TSNARE1: variants seen among roughly 807,000 people sequenced by gnomAD.
TSNARE1 encodes the protein t-SNARE domain containing 1.
A neutral mutation model predicts 62.0 loss-of-function variants in TSNARE1; 49 were observed. The ratio of observed to expected loss-of-function variants is 0.79; its 90% confidence interval spans 0.63 to 1.00. The LOEUF (loss-of-function observed/expected upper bound fraction) is 1.00, where lower values mean the gene tolerates loss of function less well. TSNARE1 is among the 50% of genes least tolerant of loss of function. TSNARE1 has a pLI of 0.00. For synonymous variants in TSNARE1, 328 were observed against 294.4 expected, an observed-to-expected ratio of 1.11 and a Z score of -1.17; for missense variants, 755 against 700.1, an observed-to-expected ratio of 1.08 and a Z score of -0.88.
At chr8:142,216,336 G>C (rs540903955) in intron 13 of TSNARE1, among the ~76,000 whole-genome samples, 6 of 152,180 alleles carry the variant, frequency 3.9e-5, no homozygotes, top group Non-Finnish European at 2.9e-5. Context: ...GCAGGGGCTG[G>C]GGGTGTGGGG....
intron 12 of TSNARE1, chr8:142,269,752 A>C: frequency 1.0e-6 from 1 of 985,424 alleles, no homozygotes; most frequent in Non-Finnish European, 1.2e-6. Context: ...GGGTGGAACC[A>C]TCAGAGTGGA....
chr8:142,345,438 G>A (rs910649524), intron 3 of TSNARE1, among the ~76,000 whole-genome samples: 2 of 152,224 alleles, frequency 1.3e-5, no homozygotes, highest in African/African-American at 4.8e-5. Context: ...AGTCGGGCTT[G>A]AGGGTGAGGG....
intron 7 of TSNARE1, among the ~76,000 whole-genome samples, chr8:142,317,826 C>T (rs62513768): frequency 0.12 from 18,871 of 152,154 alleles, 1,490 homozygotes; most frequent in East Asian, 0.21. Flanking sequence ...GGCATGGTGA[C>T]GGGCGCCTGT....
chr8:142,250,148 G>A (rs899165036), intron 12 of TSNARE1, among the ~76,000 whole-genome samples: 1 of 152,164 alleles, frequency 6.6e-6, no homozygotes, highest in Non-Finnish European at 1.5e-5. Flanking sequence ...ATGCAGGCAG[G>A]CCCTGAGCTA....
intron 12 of TSNARE1, among the ~76,000 whole-genome samples, chr8:142,248,963 G>A (rs997263074): frequency 4.6e-5 from 7 of 152,352 alleles, no homozygotes; most frequent in African/African-American, 1.7e-4. Context: ...TTCTAGAAGG[G>A]CCACGCCTTT....
intron 11 of TSNARE1, chr8:142,277,767 AG>A (rs1416709132): frequency 5.1e-6 from 5 of 985,324 alleles, no homozygotes; most frequent in Non-Finnish European, 6.0e-6. Flanking sequence ...CAGGGGTCAC[AG>A]AAGTCGAGGC....
At chr8:142,258,160 C>T (rs201103830) in intron 12 of TSNARE1, among the ~76,000 whole-genome samples, 42 of 152,320 alleles carry the variant, frequency 2.8e-4, no homozygotes, top group East Asian at 1.5e-3. Flanking sequence ...CATGTACACA[C>T]GCTGTATGCA....
intron 10 of TSNARE1, among the ~76,000 whole-genome samples, chr8:142,285,781 A>G (rs1822635482): frequency 6.6e-6 from 1 of 152,122 alleles, no homozygotes; most frequent in Non-Finnish European, 1.5e-5. Context: ...GGCCTCTTCC[A>G]TCTTCCATGC....
At chr8:142,356,572 T>C (rs1586997098) in intron 1 of TSNARE1, among the ~76,000 whole-genome samples, 1 of 151,936 alleles carries the variant, frequency 6.6e-6, no homozygotes, top group Admixed American at 6.5e-5. Flanking sequence ...CCAAGACACA[T>C]GGGGGAAACA....
chr8:142,272,937 A>G (rs1354379879), intron 12 of TSNARE1: 2 of 985,020 alleles, frequency 2.0e-6, no homozygotes, highest in African/African-American at 1.8e-5. Flanking sequence ...ATGCAGAGGC[A>G]ACTTCACAGA....
intron 9 of TSNARE1, among the ~76,000 whole-genome samples, chr8:142,307,313 C>G (rs1403661272): frequency 2.0e-5 from 3 of 152,222 alleles, no homozygotes; most frequent in African/African-American, 7.2e-5. Flanking sequence ...CTGTGCTGGT[C>G]AGACTGGGCG....
intron 11 of TSNARE1, chr8:142,276,294 C>T: frequency 2.0e-6 from 2 of 985,446 alleles, no homozygotes; most frequent in Non-Finnish European, 2.4e-6. Context: ...CTATGTCCTG[C>T]CACATTAGGG....
chr8:142,399,043 A>G (rs1838102581), intron 1 of TSNARE1, among the ~76,000 whole-genome samples: 1 of 152,108 alleles, frequency 6.6e-6, no homozygotes. Context: ...CAAGCAGGAC[A>G]CCCCGAAGCA....
At chr8:142,237,951 C>T (rs1029071652) in intron 12 of TSNARE1, among the ~76,000 whole-genome samples, 1 of 152,122 alleles carries the variant, frequency 6.6e-6, no homozygotes, top group African/African-American at 2.4e-5. Context: ...CTGTACCTCC[C>T]GTTTCCCTGC....
chr8:142,226,950 A>C lies in TSNARE1; in HGVS notation c.*11+2523T>G, dbSNP rs796665678. On this transcript the variant is annotated intron_variant, in intron 13 of 13. Transcript: ENST00000524325. ...ACCCACAACCCCAGTGACAGCCAGG[A>C]CCACCACTGCACCCACACGGCAGTG... is the stretch of plus-strand genomic sequence containing the variant. Among the ~76,000 whole-genome samples the C allele has an allele frequency of 4.0e-4, 42 of 104,962 alleles. 1 individual carries two copies. The South Asian group carries it at 5.4e-3, about 14-fold the overall frequency. 68.9% of individuals were successfully genotyped at this position (104,962 alleles called of 152,430 possible).
intron 12 of TSNARE1, among the ~76,000 whole-genome samples, chr8:142,236,277 G>A (rs1477422738): frequency 3.3e-5 from 5 of 152,066 alleles, no homozygotes; most frequent in East Asian, 3.9e-4. Context: ...TACATGCCAC[G>A]GGTTCAGGGC....
intron 1 of TSNARE1, among the ~76,000 whole-genome samples, chr8:142,386,320 G>C (rs1837108532): frequency 6.6e-6 from 1 of 152,032 alleles, no homozygotes; most frequent in Admixed American, 6.6e-5. Flanking sequence ...TCAACATGAA[G>C]TATTAGAGGC....
upstream of TSNARE1, chr8:142,405,019 G>A (rs1838556315): frequency 6.6e-6 from 1 of 152,286 alleles, no homozygotes; most frequent in Non-Finnish European, 1.5e-5. Context: ...GGTCTAGCGT[G>A]GGTAGGAACC....
intron 1 of TSNARE1, among the ~76,000 whole-genome samples, chr8:142,387,238 T>C (rs898569950): frequency 6.6e-6 from 1 of 152,130 alleles, no homozygotes; most frequent in African/African-American, 2.4e-5. Flanking sequence ...CAAACCAAAA[T>C]TGCAGAACTT....
Sources: allele counts gnomAD v4.1 joint callset (sites outside exome capture counted in the v4.1 genomes callset), GRCh38; gene constraint gnomAD v4.1.1; transcripts MANE v1.5; gene names NCBI Gene and HGNC (gene_info 2026-07-23, HGNC 2026-07-21).